TSPAN16: variants seen among roughly 807,000 people sequenced by gnomAD.
The protein encoded by TSPAN16 is tetraspanin-16.
In TSPAN16, 23 loss-of-function variants were observed where a neutral mutation model predicts 25.2. The ratio of observed to expected loss-of-function variants is 0.91; its 90% CI spans 0.66 to 1.29. The LOEUF is 1.29. Among genes scored for constraint, TSPAN16 ranks in the 50% most tolerant of loss-of-function variants. The probability of loss-of-function intolerance (pLI) is 0.00; values close to 1 mark genes in which losing one functional copy is unlikely to be tolerated. For missense variants in TSPAN16, 272 were observed against 299.9 expected (o/e 0.91, Z 0.69); for synonymous variants, 123 against 124.4 (o/e 0.99, Z 0.08).
At chr19:11,302,663 A>ATATATATATATGTG (rs2080571095) in intron 4 of TSPAN16, among the ~76,000 whole-genome samples, 2 of 105,804 alleles carry the variant, frequency 1.9e-5, no homozygotes, top group African/African-American at 9.7e-5. Flanking sequence ...ACACATACAT[A>ATATATATATATGTG]TATATATATA....
intron 4 of TSPAN16, among the ~76,000 whole-genome samples, chr19:11,301,678 G>T (rs529085114): frequency 3.1e-4 from 47 of 151,634 alleles, no homozygotes; most frequent in African/African-American, 1.1e-3. Flanking sequence ...GCACATGCTT[G>T]TGGTCCCAGC....
At chr19:11,298,461 G>GT (rs1334637437) in intron 2 of TSPAN16, 122 bp downstream of exon 2, 1 of 898,020 alleles carries the variant, frequency 1.1e-6, no homozygotes. Flanking sequence ...CGGGGACAGG[G>GT]TTTCACTCTG....
At chr19:11,317,539 G>A (rs1011850056), downstream of TSPAN16, among the ~76,000 whole-genome samples, 1 of 151,612 alleles carries the variant, frequency 6.6e-6, no homozygotes, top group African/African-American at 2.4e-5. Context: ...TTGTTGTCCA[G>A]GCTGGAGTGC....
At chr19:11,318,426 C>G (rs1004255846), downstream of TSPAN16, among the ~76,000 whole-genome samples, 2 of 151,826 alleles carry the variant, frequency 1.3e-5, no homozygotes, top group Non-Finnish European at 1.5e-5. Flanking sequence ...TCCCAAAGTG[C>G]TGCAATTACA....
intron 2 of TSPAN16, among the ~76,000 whole-genome samples, 161 bp downstream of exon 2, chr19:11,298,500 T>C (rs996604385): frequency 6.6e-6 from 1 of 151,558 alleles, no homozygotes; most frequent in South Asian, 2.1e-4. Flanking sequence ...AGTGGCACAA[T>C]CTTGGTTCAC....
intron 4 of TSPAN16, among the ~76,000 whole-genome samples, chr19:11,303,966 G>C (rs897325929): frequency 6.6e-6 from 1 of 151,390 alleles, no homozygotes; most frequent in African/African-American, 2.4e-5. Flanking sequence ...GTCTCTAGTA[G>C]AGACAGGACT....
chr19:11,308,213 C>A (rs1033713158), intron 5 of TSPAN16, among the ~76,000 whole-genome samples: 2 of 152,120 alleles, frequency 1.3e-5, no homozygotes, highest in Non-Finnish European at 2.9e-5. Context: ...ACTTCTTCCA[C>A]GAGTGAATGA....
At chr19:11,299,695 C>T (rs774980389) in intron 3 of TSPAN16, among the ~76,000 whole-genome samples, 4 of 152,106 alleles carry the variant, frequency 2.6e-5, no homozygotes, top group Non-Finnish European at 5.9e-5. Flanking sequence ...GCAAAGAGGG[C>T]CAGGTGCGGT....
At chr19:11,318,067 C>T (rs531467046), downstream of TSPAN16, among the ~76,000 whole-genome samples, 1 of 151,750 alleles carries the variant, frequency 6.6e-6, no homozygotes, top group East Asian at 2.0e-4. Context: ...CGCTCTGTCC[C>T]CCAGGCTGGA....
In TSPAN16 at chr19:11,309,258, C is replaced by T. The variant is rs202193457; in HGVS notation, c.603+2502C>T. Among the ~76,000 whole-genome samples, 7 of 152,114 alleles carry T rather than the reference C, an allele frequency of 4.6e-5. No individual in the cohort carries two copies. The East Asian group carries it at 7.7e-4, about 17-fold the overall frequency. On this transcript the variant is annotated intron_variant, in intron 5 of 6. Transcript: ENST00000590327. ...AAGAAGAAATATGAATCGTTCATTC[C>T]TTCATTTGCACTGAATGGCTCATGC...
At position 11,298,733 on chromosome 19, in the gene TSPAN16, G is replaced by A. The variant is rs139102117; in HGVS notation, c.268-139G>A. 6.0e-4 allele frequency: 473 copies of A among 783,698 alleles called. 1 individual carries two copies. Among genetic ancestry groups the A allele is most frequent in the African/African-American group, 5.8e-3 (338 of 57,936 alleles). The allele number at this position is 783,698 out of a possible 1,614,324, so 48.5% of individuals were successfully genotyped here. On this transcript the variant is annotated intron_variant, in intron 2 of 6. Transcript: ENST00000590327. ...AAGTGTTGAGCCACTGCTCCCGGTC[G>A]AATTGTTTTAAACTGGAGAGGCCAG... is the stretch of plus-strand genomic sequence containing the variant.
chr19:11,323,724 A>T (rs2080794838), intron 6 of TSPAN16: 1 of 152,282 alleles, frequency 6.6e-6, no homozygotes, highest in Non-Finnish European at 1.5e-5. Flanking sequence ...CCCAGGGAAG[A>T]GGCTGAGCTC....
chr19:11,320,972 C>T (rs1263131803), intron 6 of TSPAN16, among the ~76,000 whole-genome samples: 6 of 152,128 alleles, frequency 3.9e-5, no homozygotes, highest in South Asian at 2.1e-4. Flanking sequence ...CGTTCGAGAC[C>T]AGCCTGGCCA....
downstream of TSPAN16, among the ~76,000 whole-genome samples, chr19:11,319,342 G>A (rs952527339): frequency 2.8e-4 from 43 of 152,152 alleles, 1 homozygote; most frequent in Non-Finnish European, 2.9e-5. Flanking sequence ...GCTTATGCCT[G>A]TAATCCCAGC....
At chr19:11,306,970 C>T in intron 5 of TSPAN16, 1 of 496,316 alleles carries the variant, frequency 2.0e-6, no homozygotes, top group Admixed American at 3.5e-5. Context: ...CATGCACCGC[C>T]ACACCCGGCT....
chr19:11,326,796 G>A (rs1470234466), exon 7 of TSPAN16: 2 of 691,384 alleles, frequency 2.9e-6, no homozygotes, highest in East Asian at 5.4e-5. Flanking sequence ...TTTTGTAGAG[G>A]TGGGGGTCTC....
At chr19:11,313,453 G>C (rs1282401838) in intron 6 of TSPAN16, among the ~76,000 whole-genome samples, 2 of 151,830 alleles carry the variant, frequency 1.3e-5, no homozygotes, top group African/African-American at 2.4e-5. Context: ...CTTGAATCTG[G>C]GAGGTGGAAT....
At chr19:11,302,674 T>TATAC (rs2080573214) in intron 4 of TSPAN16, among the ~76,000 whole-genome samples, 2 of 128,630 alleles carry the variant, frequency 1.6e-5, no homozygotes, top group African/African-American at 8.0e-5. Context: ...TATATATATA[T>TATAC]ATATACACAC....
intron 6 of TSPAN16, chr19:11,325,143 T>C: frequency 7.2e-6 from 3 of 414,490 alleles, no homozygotes; most frequent in South Asian, 3.2e-5. Context: ...AGCAAGCTCA[T>C]GCACGTCAGT....
Sources: gnomAD v4.1 joint callset for allele counts (sites outside exome capture counted in the v4.1 genomes callset) on GRCh38, gnomAD v4.1.1 for gene constraint, MANE v1.5 for transcripts, NCBI Gene and HGNC (gene_info 2026-07-23, HGNC 2026-07-21) for gene names.